SLC5A4: variants seen among roughly 807,000 people sequenced by gnomAD.
SLC5A4 encodes solute carrier family 5 member 4, also known as probable glucose sensor protein SLC5A4.
In SLC5A4, 55 loss-of-function variants were observed where a neutral mutation model predicts 70.3. The ratio of observed to expected loss-of-function variants is 0.78; its 90% CI spans 0.63 to 0.98. The LOEUF (loss-of-function observed/expected upper bound fraction) is 0.98, where lower values mean the gene tolerates loss of function less well. Ranked by LOEUF, SLC5A4 falls within the 50% of genes least tolerant of loss-of-function variation. SLC5A4 has a pLI of 0.00. For missense variants in SLC5A4, 735 were observed against 839.2 expected (o/e 0.88, Z 1.53); for synonymous variants, 268 against 305.7 (o/e 0.88, Z 1.29).
chr22:32,331,018 T>G, the SLC5A4 span, among the ~76,000 whole-genome samples: 1 of 16,718 alleles, frequency 6.0e-5, no homozygotes. Flanking sequence ...GGGGCTCTGG[T>G]GTGTGTGTGT....
the SLC5A4 span, among the ~76,000 whole-genome samples, chr22:32,285,705 T>TTA: frequency 2.6e-5 from 3 of 116,346 alleles, no homozygotes; most frequent in African/African-American, 9.4e-5. Context: ...CTTATTTTCT[T>TTA]TTTTTATTTT....
At chr22:32,330,970 C>CTTTGGTGTGTGTGTGTTGGG in the SLC5A4 span, among the ~76,000 whole-genome samples, 2 of 2,118 alleles carry the variant, frequency 9.4e-4, no homozygotes, top group African/African-American at 2.1e-3. Context: ...GTGTTGGGGG[C>CTTTGGTGTGTGTGTGTTGGG]ACTGGTGTGT....
intron 13 of SLC5A4, among the ~76,000 whole-genome samples, chr22:32,221,535 C>T (rs1925080011): frequency 6.6e-6 from 1 of 152,192 alleles, no homozygotes; most frequent in South Asian, 2.1e-4. Flanking sequence ...CATCTCCAAA[C>T]TTCTGTCAGC....
At chr22:32,222,852 A>T (rs1925162998) in intron 13 of SLC5A4, among the ~76,000 whole-genome samples, 1 of 152,216 alleles carries the variant, frequency 6.6e-6, no homozygotes, top group African/African-American at 2.4e-5. Context: ...CAAACAATTC[A>T]AACAGTATTA....
intron 4 of SLC5A4, among the ~76,000 whole-genome samples, 159 bp downstream of exon 4, chr22:32,248,584 A>G (rs998969506): frequency 6.6e-6 from 1 of 152,166 alleles, no homozygotes; most frequent in Admixed American, 6.5e-5. Context: ...TTAGTCCATC[A>G]GGAAGATGGA....
At chr22:32,280,791 G>T in the SLC5A4 span, among the ~76,000 whole-genome samples, 1 of 152,166 alleles carries the variant, frequency 6.6e-6, no homozygotes, top group Admixed American at 6.5e-5. Context: ...TGCCATTGGT[G>T]GTATTTAAGC....
the SLC5A4 span, among the ~76,000 whole-genome samples, chr22:32,294,733 A>G: frequency 3.5e-5 from 5 of 144,840 alleles, no homozygotes; most frequent in Non-Finnish European, 6.0e-5. Context: ...TTACATATGT[A>G]TACATGTGCC....
At chr22:32,226,601 T>A (rs1243232422) in intron 11 of SLC5A4, among the ~76,000 whole-genome samples, 2 of 152,196 alleles carry the variant, frequency 1.3e-5, no homozygotes, top group African/African-American at 4.8e-5. Context: ...AACAACTAAA[T>A]GTGATAAACT....
the SLC5A4 span, among the ~76,000 whole-genome samples, chr22:32,295,527 T>G: frequency 2.6e-4 from 28 of 108,500 alleles, 7 homozygotes; most frequent in Middle Eastern, 7.8e-3. Context: ...TGTAAATTTG[T>G]TTGAGTTCAT....
At chr22:32,322,772 C>T in the SLC5A4 span, among the ~76,000 whole-genome samples, 4 of 152,082 alleles carry the variant, frequency 2.6e-5, no homozygotes, top group Non-Finnish European at 4.4e-5. Context: ...GATATTCTCA[C>T]ATGCCAAGGG....
the SLC5A4 span, among the ~76,000 whole-genome samples, chr22:32,260,525 A>AAAAC: frequency 4.9e-4 from 73 of 150,498 alleles, 1 homozygote; most frequent in African/African-American, 1.7e-3. Context: ...AAAAAACAAA[A>AAAAC]CCAAAAACAA....
At chr22:32,320,373 A>G in the SLC5A4 span, among the ~76,000 whole-genome samples, 1 of 152,174 alleles carries the variant, frequency 6.6e-6, no homozygotes, top group South Asian at 2.1e-4. Flanking sequence ...CGATTATCCT[A>G]CAGACATGCT....
At chr22:32,310,087 G>T in the SLC5A4 span, among the ~76,000 whole-genome samples, 1 of 150,430 alleles carries the variant, frequency 6.6e-6, no homozygotes, top group Admixed American at 6.6e-5. Flanking sequence ...GGGATGGGGG[G>T]GGTGGCAGAA....
chr22:32,284,218 A>T, the SLC5A4 span, among the ~76,000 whole-genome samples: 1 of 152,240 alleles, frequency 6.6e-6, no homozygotes, highest in Non-Finnish European at 1.5e-5. Flanking sequence ...ACAGATGGTA[A>T]CACGTTTTGG....
the SLC5A4 span, among the ~76,000 whole-genome samples, chr22:32,349,505 G>C: frequency 6.6e-6 from 1 of 152,032 alleles, no homozygotes. Flanking sequence ...TCAAAGAAGT[G>C]GTCTATGACA....
the SLC5A4 span, among the ~76,000 whole-genome samples, chr22:32,340,561 G>A: frequency 2.8e-4 from 42 of 152,310 alleles, no homozygotes; most frequent in East Asian, 7.3e-3. Flanking sequence ...GGAGAGTGAC[G>A]GGAGTAGGTG....
chr22:32,220,278 G>A (rs1296465311), intron 14 of SLC5A4, among the ~76,000 whole-genome samples: 1 of 152,136 alleles, frequency 6.6e-6, no homozygotes, highest in Non-Finnish European at 1.5e-5. Context: ...AAAAGGAACA[G>A]AAAGCACTGA....
At chr22:32,295,069 G>A in the SLC5A4 span, among the ~76,000 whole-genome samples, 80 of 97,478 alleles carry the variant, frequency 8.2e-4, no homozygotes, top group East Asian at 2.6e-3. Flanking sequence ...TATCATTGTT[G>A]GACATTTGGG....
At chr22:32,222,649 C>T (rs774194067) in intron 13 of SLC5A4, among the ~76,000 whole-genome samples, 11 of 152,048 alleles carry the variant, frequency 7.2e-5, no homozygotes, top group Non-Finnish European at 1.3e-4. Flanking sequence ...CAATATTCAG[C>T]GTAAATATTT....
Sources: gnomAD v4.1 joint callset for allele counts (sites outside exome capture counted in the v4.1 genomes callset) on GRCh38, gnomAD v4.1.1 for gene constraint, MANE v1.5 for transcripts, NCBI Gene and HGNC (gene_info 2026-07-23, HGNC 2026-07-21) for gene names.